Variants in PITPNB observed in about 807,000 individuals in gnomAD.
PITPNB encodes phosphatidylinositol transfer protein beta isoform.
A neutral mutation model predicts 45.9 loss-of-function variants in PITPNB; 16 were observed. That is an observed-to-expected ratio of 0.35 (90% CI 0.24 to 0.53). The LOEUF is 0.53. Ranked by LOEUF, PITPNB falls within the 20% of genes least tolerant of loss-of-function variation. The pLI is 0.93. For missense variants in PITPNB, 188 were observed against 330.5 expected (o/e 0.57, Z 3.34); for synonymous variants, 112 against 108.9 (o/e 1.03, Z -0.18).
intron 10 of PITPNB, among the ~76,000 whole-genome samples, chr22:27,856,129 G>A (rs1934165478): frequency 1.3e-5 from 2 of 152,162 alleles, no homozygotes; most frequent in Non-Finnish European, 2.9e-5. Flanking sequence ...ACCACTTAAT[G>A]GTGAAATTTG....
chr22:27,906,183 G>C (rs1231548302), intron 3 of PITPNB, among the ~76,000 whole-genome samples: 1 of 152,150 alleles, frequency 6.6e-6, no homozygotes, highest in Non-Finnish European at 1.5e-5. Context: ...GGTTATGAGA[G>C]GCCCCAGCAT....
intron 1 of PITPNB, among the ~76,000 whole-genome samples, chr22:27,918,710 C>T (rs1936166663): frequency 6.6e-6 from 1 of 152,178 alleles, no homozygotes. Context: ...CGAGGGCTGC[C>T]TTCAACCGGC....
chr22:27,879,105 G>A (rs1383682518), intron 7 of PITPNB, among the ~76,000 whole-genome samples: 1 of 152,022 alleles, frequency 6.6e-6, no homozygotes, highest in African/African-American at 2.4e-5. Flanking sequence ...GGGTGAGCCT[G>A]GCATGTGGGT....
chr22:27,866,195 C>G (rs557671746), intron 8 of PITPNB, among the ~76,000 whole-genome samples: 1 of 152,144 alleles, frequency 6.6e-6, no homozygotes, highest in Admixed American at 6.5e-5. Context: ...CTCATTGCTA[C>G]GTAATTTAAA....
chr22:27,918,512 G>C (rs1014560272), intron 1 of PITPNB, among the ~76,000 whole-genome samples: 1 of 152,194 alleles, frequency 6.6e-6, no homozygotes, highest in African/African-American at 2.4e-5. Context: ...ATTTGACAGA[G>C]CACGTGTTAA....
At chr22:27,912,120 T>A (rs1472314381) in intron 2 of PITPNB, among the ~76,000 whole-genome samples, 2 of 152,224 alleles carry the variant, frequency 1.3e-5, no homozygotes, top group Non-Finnish European at 2.9e-5. Context: ...TACAAAAATC[T>A]ACCTCTAAGA....
Position 27,910,986 on chromosome 22 carries a change from G to A in PITPNB, c.175C>T (p.His59Tyr). The change falls in exon 3 of 12, where the codon CAC becomes TAC. Residue 59 changes from histidine (H) to tyrosine (Y), a missense_variant. Physicochemically the swap from His to Tyr is moderately conservative, Grantham distance 83. Transcript: ENST00000335272. ...EKDGEKGQYT[H>Y]KIYHLKSKVP... ...TACCTCTTTAGGTGATAAATTTTGT[G>A]CGTATACTGTCCCTTTTCTCCATCC... is the stretch of plus-strand genomic sequence containing the variant. The A allele has an allele frequency of 3.1e-6, 5 of 1,612,966 alleles. No homozygotes were observed. The highest frequency in any genetic ancestry group is 4.2e-6 in the Non-Finnish European group (5 of 1,179,000).
chr22:27,854,381 C>T (rs9625341), intron 11 of PITPNB, among the ~76,000 whole-genome samples: 7,368 of 152,016 alleles, frequency 0.048, 293 homozygotes, highest in South Asian at 0.11. Flanking sequence ...CAACTGAAGA[C>T]GAAATATCAA....
At chr22:27,888,235 G>A (rs1206659994) in intron 7 of PITPNB, among the ~76,000 whole-genome samples, 5 of 152,102 alleles carry the variant, frequency 3.3e-5, no homozygotes, top group Admixed American at 2.6e-4. Flanking sequence ...TCCATCACAT[G>A]AGTGTGCCAC....
chr22:27,868,367 G>A (rs184281909), intron 8 of PITPNB, among the ~76,000 whole-genome samples: 2 of 152,078 alleles, frequency 1.3e-5, no homozygotes, highest in Admixed American at 1.3e-4. Flanking sequence ...CCTATCCCTG[G>A]CCAAAAAAAT....
chr22:27,894,315 T>C (rs1174370710), intron 7 of PITPNB: 1 of 338,062 alleles, frequency 3.0e-6, no homozygotes, highest in Non-Finnish European at 5.3e-6. Context: ...TGGGATTTCT[T>C]AAAGGGATCA....
At chr22:27,870,735 G>A (rs1601387714) in intron 8 of PITPNB, among the ~76,000 whole-genome samples, 1 of 152,204 alleles carries the variant, frequency 6.6e-6, no homozygotes, top group East Asian at 1.9e-4. Flanking sequence ...AGGGCCTGCT[G>A]AACATGTTTA....
intron 2 of PITPNB, among the ~76,000 whole-genome samples, chr22:27,913,031 C>A (rs941425851): frequency 2.0e-5 from 3 of 148,992 alleles, no homozygotes; most frequent in Non-Finnish European, 4.5e-5. Context: ...AACAAAAAGC[C>A]GAGAACAGTA....
chr22:27,885,714 C>T (rs1935105463), intron 7 of PITPNB, among the ~76,000 whole-genome samples: 2 of 152,064 alleles, frequency 1.3e-5, no homozygotes, highest in African/African-American at 2.4e-5. Context: ...TATATCTTAT[C>T]CAGAATTACT....
At chr22:27,887,430 G>C (rs1935152985) in intron 7 of PITPNB, among the ~76,000 whole-genome samples, 1 of 152,158 alleles carries the variant, frequency 6.6e-6, no homozygotes, top group Non-Finnish European at 1.5e-5. Context: ...GGGGCTGACT[G>C]AAGGGGTAGG....
At chr22:27,910,096 G>A (rs921811843) in intron 3 of PITPNB, among the ~76,000 whole-genome samples, 2 of 151,906 alleles carry the variant, frequency 1.3e-5, no homozygotes, top group Middle Eastern at 3.2e-3. Context: ...GACTATAGGC[G>A]TGCGCCACCA....
intron 10 of PITPNB, among the ~76,000 whole-genome samples, chr22:27,856,047 C>G (rs1221093734): frequency 6.6e-6 from 1 of 152,172 alleles, no homozygotes; most frequent in Non-Finnish European, 1.5e-5. Context: ...CATCTTGATT[C>G]TGTGTGTGGA....
rs146102519 is a variant in PITPNB, at chr22:27,888,950, T to C, written c.456+5605A>G. Reference sequence around the variant, plus strand: ...GAAGAATCAGTCAGTGATCTGAGAATTGGGATTTCCACTTTAGGCATTAGC... The same window carrying C: ...GAAGAATCAGTCAGTGATCTGAGAACTGGGATTTCCACTTTAGGCATTAGC... On this transcript the variant is annotated intron_variant, in intron 7 of 11. Transcript: ENST00000335272. Among the ~76,000 whole-genome samples the C allele has an allele frequency of 5.0e-4, 76 of 152,300 alleles. 2 individuals carry two copies. Among genetic ancestry groups the C allele is most frequent in the Admixed American group, 4.1e-3 (62 of 15,302 alleles).
intron 7 of PITPNB, among the ~76,000 whole-genome samples, chr22:27,890,792 C>A (rs1372073154): frequency 6.6e-6 from 1 of 152,048 alleles, no homozygotes; most frequent in Admixed American, 6.5e-5. Context: ...CCAGCCTGGG[C>A]GACAGAGCGA....
Sources: allele counts gnomAD v4.1 joint callset (sites outside exome capture counted in the v4.1 genomes callset), GRCh38; gene constraint gnomAD v4.1.1; transcripts MANE v1.5; gene names NCBI Gene and HGNC (gene_info 2026-07-23, HGNC 2026-07-21).